Variants in KCNMA1 observed in about 807,000 individuals in gnomAD.
KCNMA1 encodes potassium calcium-activated channel subfamily M alpha 1, also known as Calcium-activated potassium channel subunit alpha-1.
KCNMA1 carries 29 observed loss-of-function variants against 140.0 expected under a neutral mutation model. The ratio of observed to expected loss-of-function variants is 0.21; its 90% CI spans 0.15 to 0.28. The LOEUF (loss-of-function observed/expected upper bound fraction) is 0.28, where lower values mean the gene tolerates loss of function less well. Among genes scored for constraint, KCNMA1 ranks in the 10% least tolerant of loss-of-function variants. The probability of loss-of-function intolerance (pLI) is 1.00; values close to 1 mark genes in which losing one functional copy is unlikely to be tolerated. For synonymous variants in KCNMA1, 612 were observed against 611.9 expected (o/e 1.00, Z 0.00); for missense variants, 880 against 1,602.2 (o/e 0.55, Z 7.70).
At chr10:76,941,435 C>G (rs1250095948) in intron 23 of KCNMA1, among the ~76,000 whole-genome samples, 1 of 152,162 alleles carries the variant, frequency 6.6e-6, no homozygotes, top group Non-Finnish European at 1.5e-5. Flanking sequence ...GAGTGGAGTG[C>G]TGGGTCTGCA....
intron 19 of KCNMA1, among the ~76,000 whole-genome samples, chr10:76,993,223 G>GA (rs1394352238): frequency 6.6e-6 from 1 of 152,176 alleles, no homozygotes; most frequent in Non-Finnish European, 1.5e-5. Flanking sequence ...AGATATATTT[G>GA]AACTGGGGAA....
intron 24 of KCNMA1, chr10:76,914,018 A>G: frequency 7.0e-7 from 1 of 1,434,508 alleles, no homozygotes; most frequent in Non-Finnish European, 9.6e-7. Flanking sequence ...CAACAGAACA[A>G]AAGGAGATAC....
intron 14 of KCNMA1, among the ~76,000 whole-genome samples, chr10:77,044,405 G>C (rs967975499): frequency 6.6e-6 from 1 of 151,724 alleles, no homozygotes. Flanking sequence ...CTGTATCCCA[G>C]CACTTTGGAA....
At chr10:77,598,402 G>T (rs2154565945) in intron 1 of KCNMA1, among the ~76,000 whole-genome samples, 1 of 152,264 alleles carries the variant, frequency 6.6e-6, no homozygotes, top group African/African-American at 2.4e-5. Flanking sequence ...TGAATGAATG[G>T]AAAACCTGTT....
chr10:77,355,809 A>C (rs1444176316), intron 2 of KCNMA1, among the ~76,000 whole-genome samples: 1 of 152,162 alleles, frequency 6.6e-6, no homozygotes, highest in Admixed American at 6.5e-5. Context: ...CCTAACTAAT[A>C]CTAATGTAGA....
chr10:76,965,281 C>T (rs971370636), intron 20 of KCNMA1, among the ~76,000 whole-genome samples: 2 of 152,144 alleles, frequency 1.3e-5, no homozygotes, highest in South Asian at 4.2e-4. Context: ...TACGTGTGTC[C>T]TTGGGAAAAC....
chr10:77,597,909 A>AT (rs1233942024), intron 1 of KCNMA1, among the ~76,000 whole-genome samples: 1 of 152,086 alleles, frequency 6.6e-6, no homozygotes, highest in African/African-American at 2.4e-5. Flanking sequence ...ATCCTGTTTT[A>AT]TTTTTCTCCA....
chr10:77,471,382 C>G (rs1432481719), intron 1 of KCNMA1, among the ~76,000 whole-genome samples: 1 of 151,040 alleles, frequency 6.6e-6, no homozygotes, highest in Admixed American at 6.6e-5. Flanking sequence ...ACTTACCACA[C>G]ACACCACATA....
intron 1 of KCNMA1, among the ~76,000 whole-genome samples, chr10:77,427,862 C>T (rs562668631): frequency 6.6e-6 from 1 of 152,076 alleles, no homozygotes; most frequent in South Asian, 2.1e-4. Flanking sequence ...AAGCAATTCT[C>T]CTGCCTCAGC....
At chr10:77,188,707 C>G (rs1457229895) in intron 3 of KCNMA1, among the ~76,000 whole-genome samples, 1 of 152,202 alleles carries the variant, frequency 6.6e-6, no homozygotes, top group African/African-American at 2.4e-5. Flanking sequence ...GTTTCTCTTT[C>G]CTCATCTACT....
intron 1 of KCNMA1, among the ~76,000 whole-genome samples, chr10:77,499,952 G>A (rs998245967): frequency 6.6e-6 from 1 of 152,032 alleles, no homozygotes; most frequent in African/African-American, 2.4e-5. Flanking sequence ...ATTATGGAAT[G>A]GGGGAATGAA....
At position 77,229,893 on chromosome 10, in the gene KCNMA1, A is replaced by T. The variant is rs140862527; in HGVS notation, c.602+21302T>A. Among the ~76,000 whole-genome samples the T allele has an allele frequency of 2.5e-3, 377 of 152,352 alleles. 3 individuals carry two copies. Among genetic ancestry groups the T allele is most frequent in the African/African-American group, 8.7e-3 (360 of 41,582 alleles). ...ATTGTGGAAAATAGTTTAGTGATTC[A>T]TCAAAAAGCTAAACATTGAATTCCT... On this transcript the variant is annotated intron_variant, in intron 3 of 27. Transcript: ENST00000286628.
At chr10:77,302,122 G>C (rs368626881) in intron 2 of KCNMA1, among the ~76,000 whole-genome samples, 1 of 151,994 alleles carries the variant, frequency 6.6e-6, no homozygotes, top group Non-Finnish European at 1.5e-5. Flanking sequence ...AATCAGGCTC[G>C]CATAAGGTCA....
intron 1 of KCNMA1, among the ~76,000 whole-genome samples, chr10:77,564,398 C>T (rs1276433894): frequency 6.6e-6 from 1 of 152,122 alleles, no homozygotes; most frequent in African/African-American, 2.4e-5. Context: ...TATGGTGAAA[C>T]CCCATCTCTA....
intron 1 of KCNMA1, among the ~76,000 whole-genome samples, chr10:77,623,584 T>C (rs1428918771): frequency 6.6e-6 from 1 of 151,624 alleles, no homozygotes; most frequent in Non-Finnish European, 1.5e-5. Context: ...ATGTCTGTAA[T>C]CCCAGTTACG....
At chr10:76,905,276 G>T (rs1416697015) in intron 25 of KCNMA1, 2 of 152,194 alleles carry the variant, frequency 1.3e-5, no homozygotes, top group African/African-American at 4.8e-5. Context: ...AGTGCATGAG[G>T]ATGGGGTGTT....
rs373883246 is a variant in KCNMA1 at position 77,061,608 on chromosome 10, A to G, written c.1749+11489T>C. ...GGAAAACACTTTGGCAGTTTCTTTT[A>G]AAGTTAAATATAAACTTACCCTATA... On this transcript the variant is annotated intron_variant, in intron 14 of 27. Transcript: ENST00000286628. 1.7e-4 allele frequency among the ~76,000 whole-genome samples: 26 copies of G among 152,360 alleles called. No individual in the cohort carries two copies. In the East Asian group the frequency reaches 4.0e-3, roughly 24 times the overall value.
At chr10:76,921,833 T>C (rs2055918367) in intron 23 of KCNMA1, among the ~76,000 whole-genome samples, 1 of 152,190 alleles carries the variant, frequency 6.6e-6, no homozygotes, top group African/African-American at 2.4e-5. Context: ...AGGAAAAACC[T>C]CAGTTTAACC....
At chr10:77,347,576 T>C (rs149882579) in intron 2 of KCNMA1, among the ~76,000 whole-genome samples, 78 of 152,316 alleles carry the variant, frequency 5.1e-4, no homozygotes, top group African/African-American at 1.8e-3. Context: ...GTATGGGCTG[T>C]GTGACCAGGG....
Sources: allele counts gnomAD v4.1 joint callset (sites outside exome capture counted in the v4.1 genomes callset), GRCh38; gene constraint gnomAD v4.1.1; transcripts MANE v1.5; gene names NCBI Gene and HGNC (gene_info 2026-07-23, HGNC 2026-07-21).